KCNQ5: variants seen among roughly 807,000 people sequenced by gnomAD.
KCNQ5 encodes the protein potassium voltage-gated channel subfamily Q member 5.
Under a neutral mutation model 98.2 loss-of-function variants are expected in KCNQ5, and 30 were observed. The observed-to-expected ratio is 0.31, with a 90% CI of 0.23 to 0.41. The LOEUF is 0.41. KCNQ5 is among the 10% of genes least tolerant of loss of function. The probability of loss-of-function intolerance (pLI) is 1.00; values close to 1 mark genes in which losing one functional copy is unlikely to be tolerated. For synonymous variants in KCNQ5, 458 were observed against 449.4 expected (o/e 1.02, Z -0.24); for missense variants, 835 against 1,182.5 (o/e 0.71, Z 4.31).
intron 1 of KCNQ5, among the ~76,000 whole-genome samples, chr6:72,698,950 T>C (rs994242925): frequency 1.3e-5 from 2 of 152,168 alleles, no homozygotes; most frequent in African/African-American, 4.8e-5. Context: ...TAAGTCACCA[T>C]GCCCAGCCGA....
At chr6:72,810,732 G>A (rs958781390) in intron 1 of KCNQ5, among the ~76,000 whole-genome samples, 4 of 152,116 alleles carry the variant, frequency 2.6e-5, no homozygotes, top group Non-Finnish European at 4.4e-5. Context: ...AAAATAAAGT[G>A]CCTCTTTGGG....
chr6:72,766,537 G>A (rs1049818300), intron 1 of KCNQ5, among the ~76,000 whole-genome samples: 4 of 152,012 alleles, frequency 2.6e-5, no homozygotes, highest in South Asian at 4.1e-4. Context: ...GGCAAAAGAT[G>A]ATGGTGGATT....
intron 2 of KCNQ5, among the ~76,000 whole-genome samples, chr6:73,023,930 T>G (rs191824699): frequency 3.1e-4 from 47 of 152,322 alleles, no homozygotes; most frequent in Middle Eastern, 3.4e-3. Flanking sequence ...TACTGCCAAT[T>G]TTTTCAAAGG....
At chr6:72,680,745 A>G (rs1470016922) in intron 1 of KCNQ5, among the ~76,000 whole-genome samples, 2 of 152,242 alleles carry the variant, frequency 1.3e-5, no homozygotes, top group African/African-American at 2.4e-5. Flanking sequence ...ATTTACAAAA[A>G]TATAAGAGGA....
intron 1 of KCNQ5, among the ~76,000 whole-genome samples, chr6:72,625,161 T>A (rs1395600563): frequency 6.6e-6 from 1 of 152,232 alleles, no homozygotes; most frequent in African/African-American, 2.4e-5. Flanking sequence ...AAAGCATGTT[T>A]AAAGTTATGC....
chr6:72,916,749 T>C (rs1035727190), intron 1 of KCNQ5, among the ~76,000 whole-genome samples: 2 of 152,230 alleles, frequency 1.3e-5, no homozygotes, highest in African/African-American at 4.8e-5. Flanking sequence ...TGCAATATTT[T>C]ATTTAATAAT....
chr6:72,630,072 C>T (rs2098919975), intron 1 of KCNQ5, among the ~76,000 whole-genome samples: 3 of 152,110 alleles, frequency 2.0e-5, no homozygotes, highest in Non-Finnish European at 4.4e-5. Context: ...AATACACATG[C>T]AACATAAGCA....
At position 73,079,581 on chromosome 6, in the gene KCNQ5, A is replaced by G. The variant is rs544748863; in HGVS notation, c.918+1694A>G. ...AATAAAATGAATAAAAATGAGAAAT[A>G]CATTCACCTAAAGATTCGAATTTTT... is the stretch of plus-strand genomic sequence containing the variant. On this transcript the variant is annotated intron_variant, in intron 5 of 13. Transcript: ENST00000370398. 7.2e-5 allele frequency among the ~76,000 whole-genome samples: 11 copies of G among 152,354 alleles called. No homozygotes were observed. The Middle Eastern group carries it at 0.014, about 188-fold the overall frequency.
chr6:72,697,409 T>G (rs1285262610), intron 1 of KCNQ5, among the ~76,000 whole-genome samples: 1 of 152,166 alleles, frequency 6.6e-6, no homozygotes, highest in East Asian at 1.9e-4. Flanking sequence ...TCAAGCAGCT[T>G]CTTCTCTGAA....
At chr6:72,826,743 C>T (rs1056296313) in intron 1 of KCNQ5, among the ~76,000 whole-genome samples, 2 of 152,082 alleles carry the variant, frequency 1.3e-5, no homozygotes, top group Non-Finnish European at 2.9e-5. Context: ...TATATTTCTT[C>T]TAGCTATTTG....
At chr6:72,705,965 A>G (rs889216742) in intron 1 of KCNQ5, among the ~76,000 whole-genome samples, 15 of 152,206 alleles carry the variant, frequency 9.9e-5, no homozygotes, top group South Asian at 2.1e-4. Flanking sequence ...AGAAAAAATA[A>G]CAAACTATTA....
In KCNQ5 at chr6:72,747,752, CT is replaced by C. The variant is rs750812122; in HGVS notation, c.398+125167del. On this transcript the variant is annotated intron_variant, in intron 1 of 13. Coordinates refer to ENST00000370398, the MANE Select transcript of KCNQ5 (RefSeq NM_019842.4). ...GTCCATATCATATCTTAAAATAATT[CT>C]TATACTGTATTTTTATAATGCTTAA... Among the ~76,000 whole-genome samples, 229 of 152,242 alleles carry C rather than the reference CT, an allele frequency of 1.5e-3. 1 individual carries two copies. Among genetic ancestry groups the C allele is most frequent in the Non-Finnish European group, 2.7e-3 (184 of 68,004 alleles).
At chr6:72,672,591 G>A (rs1767183632) in intron 1 of KCNQ5, among the ~76,000 whole-genome samples, 1 of 152,022 alleles carries the variant, frequency 6.6e-6, no homozygotes, top group African/African-American at 2.4e-5. Context: ...GGCACTTTCT[G>A]GCTATATATG....
chr6:72,669,163 G>A (rs1022462223), intron 1 of KCNQ5, among the ~76,000 whole-genome samples: 33 of 152,034 alleles, frequency 2.2e-4, no homozygotes, highest in Non-Finnish European at 4.4e-4. Flanking sequence ...AAGTCAGATG[G>A]ATGAGACTCA....
At chr6:73,015,722 G>A (rs1243150719) in intron 2 of KCNQ5, among the ~76,000 whole-genome samples, 1 of 152,074 alleles carries the variant, frequency 6.6e-6, no homozygotes, top group African/African-American at 2.4e-5. Context: ...CTGATGGAGA[G>A]AGAAAGAGAA....
intron 1 of KCNQ5, among the ~76,000 whole-genome samples, chr6:72,994,810 A>T (rs545102246): frequency 6.6e-6 from 1 of 152,224 alleles, no homozygotes; most frequent in Admixed American, 6.5e-5. Flanking sequence ...GCTTTGTATC[A>T]TAAGGTATCA....
chr6:72,801,061 T>A (rs1210805502), intron 1 of KCNQ5, among the ~76,000 whole-genome samples: 1 of 152,150 alleles, frequency 6.6e-6, no homozygotes, highest in East Asian at 1.9e-4. Flanking sequence ...TGGTCAATTT[T>A]GGGATAGGTG....
At chr6:72,839,956 T>A (rs1412464119) in intron 1 of KCNQ5, among the ~76,000 whole-genome samples, 5 of 152,196 alleles carry the variant, frequency 3.3e-5, no homozygotes. Flanking sequence ...AAAATTTATT[T>A]CTCCTGTCTA....
At chr6:72,948,932 C>A (rs1252534434) in intron 1 of KCNQ5, among the ~76,000 whole-genome samples, 1 of 152,038 alleles carries the variant, frequency 6.6e-6, no homozygotes, top group Non-Finnish European at 1.5e-5. Context: ...TTGTTGGAGC[C>A]CCATTCTCTC....
Sources: gnomAD v4.1 joint callset for allele counts (sites outside exome capture counted in the v4.1 genomes callset) on GRCh38, gnomAD v4.1.1 for gene constraint, MANE v1.5 for transcripts, NCBI Gene and HGNC (gene_info 2026-07-23, HGNC 2026-07-21) for gene names.